ZBBX: variants seen among roughly 807,000 people sequenced by gnomAD.
ZBBX encodes zinc finger B-box domain containing, also known as zinc finger B-box domain-containing protein 1.
ZBBX carries 101 observed loss-of-function variants against 108.5 expected under a neutral mutation model. The observed-to-expected ratio is 0.93, with a 90% CI of 0.79 to 1.10. The LOEUF (loss-of-function observed/expected upper bound fraction) is 1.10, where lower values mean the gene tolerates loss of function less well. Among genes scored for constraint, ZBBX ranks in the 50% least tolerant of loss-of-function variants. The pLI, the probability that ZBBX is intolerant of heterozygous loss-of-function variation, is 0.00. For synonymous variants in ZBBX, 356 were observed against 323.4 expected, an observed-to-expected ratio of 1.10 and a Z score of -1.08; for missense variants, 1,009 against 941.4, an observed-to-expected ratio of 1.07 and a Z score of -0.94.
chr3:167,220,953 A>G, the ZBBX span, among the ~76,000 whole-genome samples: 1 of 151,976 alleles, frequency 6.6e-6, no homozygotes, highest in Non-Finnish European at 1.5e-5. Context: ...TCAAGAAAGT[A>G]ATGCTATTTA....
chr3:167,344,426 T>G (rs1038687917), intron 9 of ZBBX, among the ~76,000 whole-genome samples: 1 of 151,772 alleles, frequency 6.6e-6, no homozygotes, highest in Non-Finnish European at 1.5e-5. Context: ...TGGACAAGTG[T>G]TTTTCATTTG....
intron 12 of ZBBX, among the ~76,000 whole-genome samples, chr3:167,318,088 A>G (rs950227558): frequency 3.9e-5 from 6 of 151,976 alleles, no homozygotes; most frequent in Admixed American, 2.0e-4. Flanking sequence ...GGTATCTATT[A>G]CTTAATTAAC....
chr3:167,379,462 A>G (rs1747481887), intron 2 of ZBBX, among the ~76,000 whole-genome samples, 176 bp downstream of exon 2: 1 of 152,216 alleles, frequency 6.6e-6, no homozygotes, highest in African/African-American at 2.4e-5. Context: ...CTCTGTGTAG[A>G]CTATAAGATA....
the ZBBX span, among the ~76,000 whole-genome samples, chr3:167,185,699 T>C: frequency 6.6e-6 from 1 of 152,124 alleles, no homozygotes; most frequent in African/African-American, 2.4e-5. Flanking sequence ...CATTCCAGAA[T>C]GTTACATTTT....
chr3:167,315,420 GAGA>G (rs1301856579), intron 15 of ZBBX, among the ~76,000 whole-genome samples: 1 of 152,082 alleles, frequency 6.6e-6, no homozygotes, highest in Non-Finnish European at 1.5e-5. Context: ...TATCTTTAGA[GAGA>G]AGAAGAAAGC....
chr3:167,326,547 T>A (rs1023030664), intron 11 of ZBBX, among the ~76,000 whole-genome samples: 7 of 152,090 alleles, frequency 4.6e-5, no homozygotes, highest in African/African-American at 1.4e-4. Flanking sequence ...AGTATTATTT[T>A]AAATACTATG....
At chr3:167,207,142 A>T in the ZBBX span, among the ~76,000 whole-genome samples, 1 of 152,346 alleles carries the variant, frequency 6.6e-6, no homozygotes, top group East Asian at 1.9e-4. Context: ...ACTATATCAA[A>T]GTATCTGCAC....
the ZBBX span, among the ~76,000 whole-genome samples, chr3:167,188,290 CT>C: frequency 3.9e-5 from 6 of 151,970 alleles, no homozygotes; most frequent in African/African-American, 7.2e-5. Context: ...TTAGTAAAAT[CT>C]TCAGATAAAA....
chr3:167,288,108 C>T (rs1560076071), intron 19 of ZBBX, among the ~76,000 whole-genome samples: 1 of 151,984 alleles, frequency 6.6e-6, no homozygotes, highest in Non-Finnish European at 1.5e-5. Context: ...AATCCAAGTG[C>T]TAATATCCTC....
At chr3:167,377,252 A>T (rs1014756567) in intron 2 of ZBBX, among the ~76,000 whole-genome samples, 1 of 152,216 alleles carries the variant, frequency 6.6e-6, no homozygotes, top group African/African-American at 2.4e-5. Context: ...CAGAATGGAA[A>T]CAAGGAACGT....
intron 8 of ZBBX, 43 bp from the exon 9 acceptor site, chr3:167,350,558 A>T: frequency 7.3e-7 from 1 of 1,370,766 alleles, no homozygotes; most frequent in Non-Finnish European, 1.0e-6. Flanking sequence ...CTTATAAAAT[A>T]GTATGATTTT....
chr3:167,378,669 G>A (rs1294155279), intron 2 of ZBBX, among the ~76,000 whole-genome samples: 1 of 152,136 alleles, frequency 6.6e-6, no homozygotes, highest in East Asian at 1.9e-4. Flanking sequence ...ACCTAGAGAA[G>A]GCACAGCCTT....
At chr3:167,280,788 T>A (rs932347008) in intron 20 of ZBBX, among the ~76,000 whole-genome samples, 3 of 152,068 alleles carry the variant, frequency 2.0e-5, no homozygotes, top group Middle Eastern at 3.2e-3. Context: ...CATGCTGCTA[T>A]AAAGACACAT....
At chr3:167,358,073 C>A (rs969355793) in intron 8 of ZBBX, among the ~76,000 whole-genome samples, 1 of 151,526 alleles carries the variant, frequency 6.6e-6, no homozygotes, top group African/African-American at 2.4e-5. Flanking sequence ...TGCTAAATGA[C>A]GAGTTAATGG....
chr3:167,286,903 C>T (rs1319718984), intron 19 of ZBBX, among the ~76,000 whole-genome samples: 1 of 152,070 alleles, frequency 6.6e-6, no homozygotes, highest in Non-Finnish European at 1.5e-5. Context: ...GGCATCAGTG[C>T]AGAATACAAG....
the ZBBX span, among the ~76,000 whole-genome samples, chr3:167,225,370 T>C: frequency 6.6e-6 from 1 of 151,858 alleles, no homozygotes; most frequent in Non-Finnish European, 1.5e-5. Flanking sequence ...TCACGAATGG[T>C]AGGAATAACA....
chr3:167,368,313 T>C lies in ZBBX; in HGVS notation c.182+148A>G, dbSNP rs911225256. The C allele has an allele frequency of 1.2e-5, 7 of 577,574 alleles. No homozygotes were observed. The East Asian group carries it at 1.3e-4, about 11-fold the overall frequency. 35.8% of individuals were successfully genotyped at this position (577,574 alleles called of 1,614,324 possible). ...ATCTAAGTGGCACAAAAACAAAAAATAGAAGGCCTTTGCTATTGCTCGTTC... is the reference window on the plus strand; with the variant it reads ...ATCTAAGTGGCACAAAAACAAAAAACAGAAGGCCTTTGCTATTGCTCGTTC... On this transcript the variant is annotated intron_variant, in intron 5 of 21. Transcript: ENST00000675490.
the ZBBX span, among the ~76,000 whole-genome samples, chr3:167,189,797 T>G: frequency 6.6e-6 from 1 of 152,212 alleles, no homozygotes; most frequent in Non-Finnish European, 1.5e-5. Flanking sequence ...TATATTATTA[T>G]CACCCAAAAT....
At chr3:167,202,931 A>G in the ZBBX span, among the ~76,000 whole-genome samples, 3 of 152,140 alleles carry the variant, frequency 2.0e-5, no homozygotes, top group Non-Finnish European at 4.4e-5. Context: ...AATATCTTAC[A>G]ATAGGGAATA....
Sources: allele counts gnomAD v4.1 joint callset (sites outside exome capture counted in the v4.1 genomes callset), GRCh38; gene constraint gnomAD v4.1.1; transcripts MANE v1.5; gene names NCBI Gene and HGNC (gene_info 2026-07-23, HGNC 2026-07-21).